Variants in RGS6 observed in about 807,000 individuals in gnomAD.
The protein encoded by RGS6 is regulator of G protein signaling 6, also known as regulator of G-protein signaling 6.
In RGS6, 30 loss-of-function variants were observed where a neutral mutation model predicts 78.5. That is an observed-to-expected ratio of 0.38 (90% CI 0.29 to 0.52). The LOEUF (loss-of-function observed/expected upper bound fraction) is 0.52. RGS6 is among the 20% of genes least tolerant of loss of function. The pLI is 0.85. For synonymous variants in RGS6, 206 were observed against 206.0 expected (o/e 1.00, Z 0.00); for missense variants, 495 against 609.7 (o/e 0.81, Z 1.98).
At chr14:72,383,211 T>C (rs10137246) in intron 3 of RGS6, among the ~76,000 whole-genome samples, 7,774 of 126,480 alleles carry the variant, frequency 0.061, 602 homozygotes, top group African/African-American at 0.14. Flanking sequence ...TATATATATA[T>C]ATACACACAA....
intron 2 of RGS6, among the ~76,000 whole-genome samples, chr14:72,072,503 A>G (rs1265177886): frequency 1.3e-5 from 2 of 151,858 alleles, no homozygotes; most frequent in Admixed American, 1.3e-4. Flanking sequence ...CAGACGGGGT[A>G]TCACCGTGTT....
intron 2 of RGS6, among the ~76,000 whole-genome samples, chr14:72,323,117 ATATGAT>A (rs1272111765): frequency 3.3e-5 from 5 of 152,174 alleles, no homozygotes; most frequent in Non-Finnish European, 5.9e-5. Context: ...TATGCAGATG[ATATGAT>A]TATGTACTGT....
the RGS6 span, among the ~76,000 whole-genome samples, chr14:71,884,376 CA>C: frequency 1.3e-5 from 2 of 152,208 alleles, no homozygotes; most frequent in Non-Finnish European, 2.9e-5. Flanking sequence ...TCTTAAGCCT[CA>C]AGAGCTTGTC....
chr14:72,536,354 A>G, intron 16 of RGS6, 79 bp downstream of exon 16: 1 of 1,009,138 alleles, frequency 9.9e-7, no homozygotes. Context: ...AAATGAGAAT[A>G]TCATCCCTTG....
At chr14:72,079,479 A>T (rs2094727115) in intron 2 of RGS6, among the ~76,000 whole-genome samples, 1 of 152,172 alleles carries the variant, frequency 6.6e-6, no homozygotes, top group African/African-American at 2.4e-5. Flanking sequence ...GGCATTGTGC[A>T]CTGGCTAAGG....
intron 1 of RGS6, among the ~76,000 whole-genome samples, chr14:71,934,287 C>T (rs1667895990): frequency 6.6e-6 from 1 of 152,112 alleles, no homozygotes; most frequent in Non-Finnish European, 1.5e-5. Context: ...TCTCATGCAC[C>T]ATAAACTATA....
At chr14:71,892,127 A>G in the RGS6 span, among the ~76,000 whole-genome samples, 1 of 152,262 alleles carries the variant, frequency 6.6e-6, no homozygotes, top group Admixed American at 6.5e-5. Context: ...AATGGCACCT[A>G]ATTGCCCTTC....
intron 13 of RGS6, among the ~76,000 whole-genome samples, chr14:72,497,935 CT>C (rs1302752901): frequency 1.3e-5 from 2 of 151,966 alleles, no homozygotes; most frequent in Non-Finnish European, 1.5e-5. Context: ...GTTGCTACAT[CT>C]TTTATATTTT....
intron 3 of RGS6, among the ~76,000 whole-genome samples, chr14:72,361,586 A>G (rs369608162): frequency 6.6e-6 from 1 of 152,222 alleles, no homozygotes; most frequent in East Asian, 1.9e-4. Context: ...GGAACAAGGC[A>G]TTGAAATGGG....
At chr14:71,889,592 G>A in the RGS6 span, among the ~76,000 whole-genome samples, 1 of 152,158 alleles carries the variant, frequency 6.6e-6, no homozygotes, top group Non-Finnish European at 1.5e-5. Context: ...CGTCAGAGAG[G>A]GGATAATTGA....
chr14:72,136,689 A>T (rs1412026008), intron 2 of RGS6, among the ~76,000 whole-genome samples: 1 of 152,166 alleles, frequency 6.6e-6, no homozygotes, highest in African/African-American at 2.4e-5. Context: ...TCAAGATGAG[A>T]TTTGGGTAGG....
chr14:72,556,569 A>AGACGT (rs1471103144), intron 17 of RGS6, among the ~76,000 whole-genome samples: 2 of 151,964 alleles, frequency 1.3e-5, no homozygotes, highest in African/African-American at 2.4e-5. Flanking sequence ...TGCTTTCAGA[A>AGACGT]GACGTGACTG....
At chr14:72,566,648 C>CACAA (rs2097712553), downstream of RGS6, 1 of 132,080 alleles carries the variant, frequency 7.6e-6, no homozygotes, top group Non-Finnish European at 1.6e-5. Context: ...CACACACACA[C>CACAA]ACACACACAC....
intron 2 of RGS6, among the ~76,000 whole-genome samples, chr14:72,249,010 A>G (rs2054948512): frequency 6.6e-6 from 1 of 152,212 alleles, no homozygotes; most frequent in African/African-American, 2.4e-5. Flanking sequence ...GGGGGAAAAA[A>G]ATAATCTTCT....
intron 3 of RGS6, among the ~76,000 whole-genome samples, chr14:72,363,599 G>A (rs2081920947): frequency 6.6e-6 from 1 of 152,150 alleles, no homozygotes; most frequent in African/African-American, 2.4e-5. Flanking sequence ...GACACAACCT[G>A]CTGACTTGAA....
At chr14:72,460,056 C>T (rs1235326792) in intron 6 of RGS6, among the ~76,000 whole-genome samples, 2 of 152,178 alleles carry the variant, frequency 1.3e-5, no homozygotes, top group African/African-American at 2.4e-5. Flanking sequence ...GGGGCTACCT[C>T]CTCCTGGCCC....
intron 1 of RGS6, among the ~76,000 whole-genome samples, chr14:71,952,036 A>G (rs953924817): frequency 1.3e-5 from 2 of 152,156 alleles, no homozygotes; most frequent in Non-Finnish European, 2.9e-5. Flanking sequence ...AATTATTATG[A>G]ATTTCCATGT....
intron 12 of RGS6, among the ~76,000 whole-genome samples, chr14:72,480,631 T>C (rs182281170): frequency 1.5e-3 from 234 of 152,224 alleles, no homozygotes; most frequent in Admixed American, 2.5e-3. Flanking sequence ...GAGACGCGTG[T>C]TAGCTGGAGA....
intron 2 of RGS6, among the ~76,000 whole-genome samples, chr14:72,283,240 G>A (rs186641557): frequency 2.2e-4 from 33 of 152,280 alleles, no homozygotes; most frequent in East Asian, 1.7e-3. Flanking sequence ...GAACTTGGGC[G>A]TGCAAATATC....
Sources: allele counts gnomAD v4.1 joint callset (sites outside exome capture counted in the v4.1 genomes callset), GRCh38; gene constraint gnomAD v4.1.1; transcripts MANE v1.5; gene names NCBI Gene and HGNC (gene_info 2026-07-23, HGNC 2026-07-21).